Variants in GLIS3 observed in about 807,000 individuals in gnomAD.
GLIS3 encodes GLIS family zinc finger 3, also known as zinc finger protein GLIS3.
Under a neutral mutation model 78.6 loss-of-function variants are expected in GLIS3, and 53 were observed. That is an observed-to-expected ratio of 0.67 (90% CI 0.54 to 0.85). The LOEUF is 0.85. Among genes scored for constraint, GLIS3 ranks in the 40% least tolerant of loss-of-function variants. The probability of loss-of-function intolerance (pLI) is 0.00; values close to 1 mark genes in which losing one functional copy is unlikely to be tolerated. For missense variants in GLIS3, 1,703 were observed against 1,231.1 expected, an observed-to-expected ratio of 1.38 and a Z score of -5.74; for synonymous variants, 684 against 509.9, an observed-to-expected ratio of 1.34 and a Z score of -4.60.
At chr9:4,333,169 A>G (rs1199258370) in intron 2 of GLIS3, among the ~76,000 whole-genome samples, 1 of 151,862 alleles carries the variant, frequency 6.6e-6, no homozygotes, top group Non-Finnish European at 1.5e-5. Flanking sequence ...ATTGCTTGAG[A>G]CCAGGAGTTT....
In GLIS3 at chr9:3,972,746, C is replaced by T. The variant is rs184432008; in HGVS notation, c.1711-35557G>A. 4.6e-5 allele frequency among the ~76,000 whole-genome samples: 7 copies of T among 152,146 alleles called. No individual in the cohort carries two copies. The East Asian group carries it at 1.2e-3, about 25-fold the overall frequency. On this transcript the variant is annotated intron_variant, in intron 4 of 10. Coordinates refer to ENST00000381971, the MANE Select transcript of GLIS3 (RefSeq NM_001042413.2). ...TGTGTTTAGTTTATATATTTACTTT[C>T]CTGGTATTAGTAAGTTTATATGTTT...
At chr9:3,841,983 G>A (rs896940059) in intron 9 of GLIS3, among the ~76,000 whole-genome samples, 4 of 152,168 alleles carry the variant, frequency 2.6e-5, no homozygotes, top group African/African-American at 7.2e-5. Flanking sequence ...AACAGAACAA[G>A]GGAAGCATGG....
intron 2 of GLIS3, among the ~76,000 whole-genome samples, chr9:4,221,003 A>G (rs1247186532): frequency 5.3e-5 from 8 of 152,138 alleles, no homozygotes; most frequent in Non-Finnish European, 1.2e-4. Flanking sequence ...TAATTAATTA[A>G]TAAGTGTTTC....
chr9:4,209,333 AG>A (rs1172106393), intron 2 of GLIS3, among the ~76,000 whole-genome samples: 2 of 152,148 alleles, frequency 1.3e-5, no homozygotes, highest in African/African-American at 4.8e-5. Flanking sequence ...TTTGATGCAT[AG>A]GGTATCTGGG....
chr9:4,096,069 T>A, intron 4 of GLIS3, among the ~76,000 whole-genome samples: 1 of 137,634 alleles, frequency 7.3e-6, no homozygotes, highest in Admixed American at 7.1e-5. Context: ...CACATCTAAA[T>A]ACAAAGAAGA....
chr9:4,111,948 T>C (rs1489090301), intron 4 of GLIS3, among the ~76,000 whole-genome samples: 2 of 152,342 alleles, frequency 1.3e-5, no homozygotes, highest in East Asian at 1.9e-4. Context: ...AAATTCAATA[T>C]TTTAGTAATT....
chr9:3,926,178 T>TA (rs1359891234), intron 6 of GLIS3, among the ~76,000 whole-genome samples: 17 of 151,954 alleles, frequency 1.1e-4, no homozygotes, highest in African/African-American at 2.4e-5. Flanking sequence ...GTTCTTTTTT[T>TA]AAAAGCTCAT....
At chr9:4,133,863 CA>C (rs1564098466) in intron 2 of GLIS3, among the ~76,000 whole-genome samples, 110 of 115,260 alleles carry the variant, frequency 9.5e-4, no homozygotes, top group South Asian at 3.0e-3. Flanking sequence ...CACACACACA[CA>C]CACACACACA....
At chr9:3,961,599 A>G (rs1817559166) in intron 4 of GLIS3, among the ~76,000 whole-genome samples, 1 of 152,242 alleles carries the variant, frequency 6.6e-6, no homozygotes. Flanking sequence ...ACTTGCTGTG[A>G]GGAAATAGCA....
At chr9:4,137,789 G>A (rs770906496) in intron 2 of GLIS3, among the ~76,000 whole-genome samples, 1 of 152,160 alleles carries the variant, frequency 6.6e-6, no homozygotes, top group African/African-American at 2.4e-5. Flanking sequence ...AAGCTGCTCT[G>A]CTCCATAGAG....
intron 2 of GLIS3, among the ~76,000 whole-genome samples, chr9:4,155,531 T>C (rs1255239638): frequency 6.6e-6 from 1 of 152,234 alleles, no homozygotes; most frequent in Non-Finnish European, 1.5e-5. Flanking sequence ...TGTGCCTTCA[T>C]AGGCCTTTTA....
chr9:4,250,679 C>G (rs1344546850), intron 2 of GLIS3, among the ~76,000 whole-genome samples: 1 of 152,100 alleles, frequency 6.6e-6, no homozygotes, highest in Non-Finnish European at 1.5e-5. Context: ...GCTCTTGCTT[C>G]TCTAGTTCTT....
At chr9:3,963,590 A>C (rs939601568) in intron 4 of GLIS3, among the ~76,000 whole-genome samples, 1 of 152,190 alleles carries the variant, frequency 6.6e-6, no homozygotes, top group African/African-American at 2.4e-5. Flanking sequence ...TAATGCAGAG[A>C]CCAAATAAGA....
chr9:4,356,395 T>C, the GLIS3 span, among the ~76,000 whole-genome samples: 1 of 152,214 alleles, frequency 6.6e-6, no homozygotes, highest in Non-Finnish European at 1.5e-5. Flanking sequence ...AGCAATATGA[T>C]TGAGCCCTGG....
At chr9:4,147,096 C>G (rs529765909) in intron 2 of GLIS3, among the ~76,000 whole-genome samples, 2 of 152,274 alleles carry the variant, frequency 1.3e-5, no homozygotes, top group African/African-American at 4.8e-5. Flanking sequence ...CTCCTCTGGC[C>G]ATTCATTTCT....
intron 8 of GLIS3, chr9:3,875,589 A>C (rs757198483): frequency 1.5e-4 from 23 of 152,352 alleles, no homozygotes; most frequent in African/African-American, 2.6e-4. Flanking sequence ...AGGCAAACAG[A>C]GGCAAAGATA....
the GLIS3 span, among the ~76,000 whole-genome samples, chr9:4,367,046 C>T: frequency 6.6e-6 from 1 of 152,222 alleles, no homozygotes; most frequent in Admixed American, 6.5e-5. Context: ...GAATAGCAGC[C>T]TTTATCTATA....
intron 1 of GLIS3, among the ~76,000 whole-genome samples, chr9:4,298,955 G>C (rs10974444): frequency 0.29 from 44,763 of 152,034 alleles, 7,640 homozygotes; most frequent in East Asian, 0.56. Context: ...GTGTGCGCGA[G>C]AGACCTCACG....
intron 4 of GLIS3, among the ~76,000 whole-genome samples, chr9:4,087,757 T>C (rs1011123951): frequency 2.0e-5 from 3 of 152,174 alleles, no homozygotes; most frequent in Admixed American, 6.5e-5. Flanking sequence ...TATTCCTACA[T>C]GAACTAAGGG....
Sources: gnomAD v4.1 joint callset for allele counts (sites outside exome capture counted in the v4.1 genomes callset) on GRCh38, gnomAD v4.1.1 for gene constraint, MANE v1.5 for transcripts, NCBI Gene and HGNC (gene_info 2026-07-23, HGNC 2026-07-21) for gene names.